Variants in CTBP2 observed in about 807,000 individuals in gnomAD.
CTBP2 encodes C-terminal binding protein 2, also known as C-terminal-binding protein 2.
In CTBP2, 30 loss-of-function variants were observed where a neutral mutation model predicts 80.3. The observed-to-expected ratio is 0.37, with a 90% confidence interval of 0.28 to 0.51. The LOEUF (loss-of-function observed/expected upper bound fraction) is 0.51. CTBP2 is among the 20% of genes least tolerant of loss of function. CTBP2 has a pLI of 0.93. For synonymous variants in CTBP2, 594 were observed against 587.4 expected (o/e 1.01, Z -0.16); for missense variants, 1,212 against 1,375.3 (o/e 0.88, Z 1.88).
At chr10:125,033,423 G>A (rs916267805) in intron 3 of CTBP2, among the ~76,000 whole-genome samples, 1 of 150,864 alleles carries the variant, frequency 6.6e-6, no homozygotes, top group Non-Finnish European at 1.5e-5. Flanking sequence ...CGAGCCAAGT[G>A]GTAGAAACCA....
intron 3 of CTBP2, among the ~76,000 whole-genome samples, chr10:125,002,666 A>AGG (rs1254456704): frequency 9.2e-5 from 14 of 152,140 alleles, no homozygotes; most frequent in Admixed American, 9.2e-4. Flanking sequence ...TCCCCTCTGG[A>AGG]GGCGGCACTG....
At chr10:125,091,509 A>G (rs1264901346) in intron 2 of CTBP2, among the ~76,000 whole-genome samples, 1 of 152,258 alleles carries the variant, frequency 6.6e-6, no homozygotes, top group African/African-American at 2.4e-5. Flanking sequence ...GCAGTGGCTC[A>G]CACCTGTAAT....
Position 124,994,598 on chromosome 10 carries a change from G to A in CTBP2, c.2271C>T (p.Ile757=), listed in dbSNP as rs759422958. 7.4e-6 allele frequency: 12 copies of A among 1,614,014 alleles called. No homozygotes were observed. The highest frequency in any genetic ancestry group is 1.7e-4 in the Middle Eastern group (1 of 6,058). Residue 757 remains isoleucine, a synonymous_variant, in exon 5 of 9, where the codon ATC becomes ATT. Transcript: ENST00000309035. ...CCCTCTGCACGCCCAGGGACCGCTC[G>A]ATCCCATCCTGCAAGTAGGGGTCAT... is the stretch of plus-strand genomic sequence containing the variant.
chr10:125,155,656 T>C (rs1860783442), intron 1 of CTBP2, among the ~76,000 whole-genome samples: 1 of 151,444 alleles, frequency 6.6e-6, no homozygotes. Context: ...AATTATTAAA[T>C]ATAATTTTCC....
In CTBP2 at chr10:125,088,836, C is replaced by T. The variant is rs185431692; in HGVS notation, c.-102+22154G>A. Among the ~76,000 whole-genome samples, 365 of 152,330 alleles carry T rather than the reference C, an allele frequency of 2.4e-3. 5 individuals are homozygous for T. Among genetic ancestry groups the T allele is most frequent in the African/African-American group, 8.3e-3 (347 of 41,570 alleles). On this transcript the variant is annotated intron_variant, in intron 2 of 10. Transcript: ENST00000337195. ...CTGCCTTCAAGAACTGCACCAAATT[C>T]GGAGACCTAGTTGGGAGATGAATGC...
chr10:124,985,100 AG>A lies in CTBP2; in HGVS notation c.*4417del. 1.2e-6 allele frequency: 1 copy of A among 855,628 alleles called. No individual in the cohort carries two copies. Among genetic ancestry groups the A allele is most frequent in the Non-Finnish European group, 1.8e-6 (1 of 545,958 alleles). The allele number at this position is 855,628 out of a possible 1,614,324, so 53.0% of individuals were successfully genotyped here. ...CATCATGGAATGAACCAAATCTGGCAGGATCTGCTCGGGGAAGTGTTTTCCT... is the reference window on the plus strand; with the variant it reads ...CATCATGGAATGAACCAAATCTGGCAGATCTGCTCGGGGAAGTGTTTTCCT... On this transcript the variant is annotated 3_prime_UTR_variant, in exon 9 of 9. Coordinates refer to ENST00000309035, the MANE Select transcript of CTBP2 (RefSeq NM_022802.3).
At chr10:125,071,859 G>A (rs1202295087) in intron 2 of CTBP2, among the ~76,000 whole-genome samples, 3 of 152,056 alleles carry the variant, frequency 2.0e-5, no homozygotes, top group African/African-American at 7.2e-5. Context: ...TTAAGAAACA[G>A]AGGATGCAAG....
intron 2 of CTBP2, among the ~76,000 whole-genome samples, chr10:125,088,037 C>A (rs1848251413): frequency 6.6e-6 from 1 of 152,146 alleles, no homozygotes; most frequent in Non-Finnish European, 1.5e-5. Context: ...GGTCAAGGCA[C>A]AGCTCACATC....
intron 2 of CTBP2, among the ~76,000 whole-genome samples, chr10:125,069,248 G>A (rs1187624603): frequency 2.0e-5 from 3 of 152,184 alleles, no homozygotes; most frequent in Non-Finnish European, 2.9e-5. Flanking sequence ...ATTTTATAAA[G>A]CTTTAAATTC....
chr10:125,088,377 A>C (rs1051829247), intron 2 of CTBP2: 39 of 152,126 alleles, frequency 2.6e-4, no homozygotes, highest in African/African-American at 9.4e-4. Flanking sequence ...ACAGATGATA[A>C]CCATGACCCC....
At chr10:125,004,613 T>C (rs1270131500) in intron 1 of CTBP2, among the ~76,000 whole-genome samples, 2 of 152,114 alleles carry the variant, frequency 1.3e-5, no homozygotes, top group African/African-American at 4.8e-5. Flanking sequence ...GCAATGTCTC[T>C]TGTCAAATTA....
chr10:125,154,022 A>G (rs1265758008), intron 1 of CTBP2, among the ~76,000 whole-genome samples: 3 of 152,238 alleles, frequency 2.0e-5, no homozygotes, highest in Non-Finnish European at 4.4e-5. Context: ...GTGGGCTGGA[A>G]TGAGACACAG....
chr10:125,128,770 C>A (rs1045908861), intron 1 of CTBP2, among the ~76,000 whole-genome samples: 5 of 152,236 alleles, frequency 3.3e-5, no homozygotes, highest in African/African-American at 1.2e-4. Flanking sequence ...TACACCTACT[C>A]CATGACCCAG....
At chr10:125,064,153 G>A (rs956109605) in intron 2 of CTBP2, among the ~76,000 whole-genome samples, 1 of 152,242 alleles carries the variant, frequency 6.6e-6, no homozygotes, top group Non-Finnish European at 1.5e-5. Flanking sequence ...GTTAGATGGT[G>A]AATACCTCAG....
intron 1 of CTBP2, among the ~76,000 whole-genome samples, chr10:125,131,879 A>G (rs1472346803): frequency 6.6e-6 from 1 of 152,158 alleles, no homozygotes; most frequent in African/African-American, 2.4e-5. Context: ...ACACATTGCC[A>G]CCCACATTCC....
At chr10:125,158,148 A>G (rs1445651528) in intron 1 of CTBP2, among the ~76,000 whole-genome samples, 1 of 152,118 alleles carries the variant, frequency 6.6e-6, no homozygotes, top group Non-Finnish European at 1.5e-5. Flanking sequence ...CAAAATAGAA[A>G]AGATTTATAT....
chr10:125,007,049 C>T (rs573508633), intron 1 of CTBP2, among the ~76,000 whole-genome samples: 44 of 152,332 alleles, frequency 2.9e-4, no homozygotes, highest in Non-Finnish European at 4.4e-4. Flanking sequence ...GAGACACTTG[C>T]GGACGAGGGT....
chr10:125,010,587 C>T (rs1955765212), intron 1 of CTBP2, among the ~76,000 whole-genome samples: 1 of 152,146 alleles, frequency 6.6e-6, no homozygotes, highest in Non-Finnish European at 1.5e-5. Flanking sequence ...TAATCGATCC[C>T]CACATTCTTC....
chr10:124,986,289 G>GCACACACACA lies in CTBP2; in HGVS notation c.*3228_*3229insTGTGTGTGTG, dbSNP rs1348841236. The GCACACACACA allele has an allele frequency of 2.9e-4, 31 of 108,356 alleles. No homozygotes were observed. The highest frequency in any genetic ancestry group is 1.1e-3 in the African/African-American group (31 of 27,544). 6.7% of individuals were successfully genotyped at this position (108,356 alleles called of 1,614,324 possible). On this transcript the variant is annotated 3_prime_UTR_variant, in exon 9 of 9. Coordinates refer to ENST00000309035, the MANE Select transcript of CTBP2 (RefSeq NM_022802.3). ...AAAGACGACACACGCACGCGCGCGC[G>GCACACACACA]CGCACACACACACACACACACACAC...
Sources: allele counts gnomAD v4.1 joint callset (sites outside exome capture counted in the v4.1 genomes callset), GRCh38; gene constraint gnomAD v4.1.1; transcripts MANE v1.5; gene names NCBI Gene and HGNC (gene_info 2026-07-23, HGNC 2026-07-21).